Variants in ALK observed in about 807,000 individuals in gnomAD.
The protein encoded by ALK is ALK receptor tyrosine kinase.
ALK carries 74 observed loss-of-function variants against 163.1 expected under a neutral mutation model. That is an observed-to-expected ratio of 0.45 (90% CI 0.38 to 0.55). ALK has a LOEUF of 0.55. Ranked by LOEUF, ALK falls within the 20% of genes least tolerant of loss-of-function variation. The pLI, the probability that ALK is intolerant of heterozygous loss-of-function variation, is 0.00. For synonymous variants in ALK, 960 were observed against 843.2 expected (o/e 1.14, Z -2.40); for missense variants, 2,063 against 2,105.3 (o/e 0.98, Z 0.39).
At chr2:29,689,114 G>C (rs564715293) in intron 3 of ALK, among the ~76,000 whole-genome samples, 9 of 151,990 alleles carry the variant, frequency 5.9e-5, no homozygotes, top group African/African-American at 2.2e-4. Context: ...AGAAACAGTG[G>C]CAAACCCATA....
intron 1 of ALK, among the ~76,000 whole-genome samples, chr2:29,831,468 T>C (rs1665418594): frequency 6.6e-6 from 1 of 152,084 alleles, no homozygotes; most frequent in Admixed American, 6.6e-5. Context: ...ATGACTCCTC[T>C]ATACGCTAAA....
At chr2:29,228,062 G>T in intron 16 of ALK, among the ~76,000 whole-genome samples, 1 of 152,168 alleles carries the variant, frequency 6.6e-6, no homozygotes, top group East Asian at 1.9e-4. Flanking sequence ...GTCAGGGTTG[G>T]GGTGTGGCGG....
chr2:29,401,310 C>T (rs1264010548), intron 4 of ALK, among the ~76,000 whole-genome samples: 1 of 152,158 alleles, frequency 6.6e-6, no homozygotes, highest in Non-Finnish European at 1.5e-5. Flanking sequence ...GAATACTCCA[C>T]AACCCCCTCA....
chr2:29,719,870 C>G (rs1679374589), intron 1 of ALK, among the ~76,000 whole-genome samples: 1 of 152,162 alleles, frequency 6.6e-6, no homozygotes, highest in Non-Finnish European at 1.5e-5. Context: ...ACTGAGCATG[C>G]TTCAGAATAG....
intron 1 of ALK, among the ~76,000 whole-genome samples, chr2:29,850,499 C>T (rs554211097): frequency 1.3e-5 from 2 of 152,324 alleles, no homozygotes; most frequent in East Asian, 3.9e-4. Context: ...GCCAGCAACT[C>T]TCAGGGATGC....
At chr2:29,385,656 G>T (rs988773548) in intron 4 of ALK, among the ~76,000 whole-genome samples, 2 of 152,092 alleles carry the variant, frequency 1.3e-5, no homozygotes, top group African/African-American at 2.4e-5. Flanking sequence ...CTCCCAAAGT[G>T]CTGAGATTGC....
chr2:29,203,675 C>G (rs986976695), intron 26 of ALK, among the ~76,000 whole-genome samples: 7 of 151,064 alleles, frequency 4.6e-5, no homozygotes, highest in African/African-American at 1.5e-4. Context: ...TTAGTAGAGA[C>G]GGGTTTCACC....
chr2:29,616,791 A>G (rs1214223510), intron 3 of ALK, among the ~76,000 whole-genome samples: 2 of 152,204 alleles, frequency 1.3e-5, no homozygotes, highest in East Asian at 3.9e-4. Context: ...CCCTTAAGCC[A>G]GTTCCAGCAG....
At chr2:29,279,718 G>A (rs1213684411) in intron 9 of ALK, among the ~76,000 whole-genome samples, 1 of 152,210 alleles carries the variant, frequency 6.6e-6, no homozygotes, top group Non-Finnish European at 1.5e-5. Flanking sequence ...CCTTGCTGGA[G>A]ATGGGAAAGG....
intron 25 of ALK, 80 bp downstream of exon 25, chr2:29,209,706 G>C (rs927200123): frequency 1.9e-6 from 2 of 1,028,260 alleles, no homozygotes; most frequent in Non-Finnish European, 3.0e-6. Flanking sequence ...GATGATGTAA[G>C]GGACAAGCAG....
intron 3 of ALK, among the ~76,000 whole-genome samples, chr2:29,617,139 T>A (rs987243884): frequency 6.6e-6 from 1 of 152,202 alleles, no homozygotes; most frequent in African/African-American, 2.4e-5. Context: ...TGCAAACTGA[T>A]ATCATCAATA....
At chr2:29,331,864 A>G (rs1235641508) in intron 5 of ALK, among the ~76,000 whole-genome samples, 1 of 152,162 alleles carries the variant, frequency 6.6e-6, no homozygotes. Flanking sequence ...ATAACAAGAA[A>G]AGTTCTCACA....
At chr2:29,642,631 G>T (rs1444732997) in intron 3 of ALK, among the ~76,000 whole-genome samples, 1 of 151,928 alleles carries the variant, frequency 6.6e-6, no homozygotes, top group South Asian at 2.1e-4. Context: ...CTTTTTCACT[G>T]GGTCCTTCTC....
At chr2:29,528,776 G>A (rs1056173739) in intron 4 of ALK, among the ~76,000 whole-genome samples, 1 of 152,152 alleles carries the variant, frequency 6.6e-6, no homozygotes, top group Non-Finnish European at 1.5e-5. Context: ...TATTCATTCA[G>A]TTCATGGGGA....
chr2:29,412,718 G>A (rs151337899), intron 4 of ALK, among the ~76,000 whole-genome samples: 9 of 152,126 alleles, frequency 5.9e-5, no homozygotes, highest in African/African-American at 1.9e-4. Context: ...AATGATTCTT[G>A]AATAATTTAA....
At position 29,921,513 on chromosome 2, in the gene ALK, C is replaced by G; in HGVS notation, c.-854G>C. On this transcript the variant is annotated 5_prime_UTR_variant, in exon 1 of 29. Transcript: ENST00000389048. ...CGGAAAGCACCTCGGTGCCCCGCGACCCTCCGAACAGAGGCGGCGGGAGGT... is the reference window on the plus strand; with the variant it reads ...CGGAAAGCACCTCGGTGCCCCGCGAGCCTCCGAACAGAGGCGGCGGGAGGT... 1 of 232,076 alleles carries G rather than the reference C, an allele frequency of 4.3e-6. No homozygotes were observed. The highest frequency in any genetic ancestry group is 6.1e-5 in the East Asian group (1 of 16,522). The allele number at this position is 232,076 out of a possible 1,614,324, so 14.4% of individuals were successfully genotyped here.
intron 5 of ALK, among the ~76,000 whole-genome samples, chr2:29,368,798 A>G (rs1668573320): frequency 6.6e-6 from 1 of 152,072 alleles, no homozygotes; most frequent in Non-Finnish European, 1.5e-5. Context: ...CCCATGGATC[A>G]CTACTGCCAT....
chr2:29,294,897 T>C (rs1038077490), intron 9 of ALK, among the ~76,000 whole-genome samples: 1 of 152,148 alleles, frequency 6.6e-6, no homozygotes, highest in Non-Finnish European at 1.5e-5. Flanking sequence ...GCCAGTCACA[T>C]CTACAGTCTA....
chr2:29,705,745 T>C (rs2631968), intron 2 of ALK, among the ~76,000 whole-genome samples: 97,941 of 152,056 alleles, frequency 0.64, 34,951 homozygotes, highest in Non-Finnish European at 0.79. Context: ...CCTCCTGGAA[T>C]TGTGAGGAGG....
Sources: gnomAD v4.1 joint callset for allele counts (sites outside exome capture counted in the v4.1 genomes callset) on GRCh38, gnomAD v4.1.1 for gene constraint, MANE v1.5 for transcripts, NCBI Gene and HGNC (gene_info 2026-07-23, HGNC 2026-07-21) for gene names.